The following MRPS5 variants were observed in gnomAD, a reference collection of about 807,000 sequenced individuals.
MRPS5 encodes mitochondrial ribosomal protein S5.
In MRPS5, 27 loss-of-function variants were observed where a neutral mutation model predicts 51.9. The observed-to-expected ratio is 0.52, with a 90% CI of 0.38 to 0.72. The LOEUF (loss-of-function observed/expected upper bound fraction) is 0.72. Ranked by LOEUF, MRPS5 falls within the 30% of genes least tolerant of loss-of-function variation. The pLI is 0.00. For missense variants in MRPS5, 570 were observed against 545.7 expected (o/e 1.04, Z -0.44); for synonymous variants, 196 against 193.2 (o/e 1.01, Z -0.12).
chr2:95,106,373 A>AC, intron 6 of MRPS5, 50 bp downstream of exon 6: 9 of 508,676 alleles, frequency 1.8e-5, no homozygotes, highest in Non-Finnish European at 2.2e-5. Flanking sequence ...TGCCCCACCC[A>AC]CCCCAACCTC....
chr2:95,094,437 T>A (rs1675560899), intron 10 of MRPS5, among the ~76,000 whole-genome samples: 1 of 152,102 alleles, frequency 6.6e-6, no homozygotes, highest in African/African-American at 2.4e-5. Context: ...AATTATCAGA[T>A]TCACCAAGGT....
At chr2:95,101,570 G>A in intron 8 of MRPS5, 107 bp downstream of exon 8, 2 of 843,796 alleles carry the variant, frequency 2.4e-6, no homozygotes, top group Non-Finnish European at 3.6e-6. Context: ...CAAGCCTCAT[G>A]GGAAGGTTCT....
rs1461380695 is a variant in MRPS5 at position 95,106,511 on chromosome 2, A to G, written c.638-54T>C. ...GATGAAATGTGTGTACACAATTAAC[A>G]TGAAAGCATTTTCAACACAGGCACC... On this transcript the variant is annotated intron_variant, in intron 5 of 11. Transcript: ENST00000272418. The G allele has an allele frequency of 2.1e-6, 3 of 1,461,304 alleles. No individual in the cohort carries two copies. The African/African-American group carries it at 4.2e-5, about 20-fold the overall frequency. The allele number at this position is 1,461,304 out of a possible 1,614,324, so 90.5% of individuals were successfully genotyped here. A position where few individuals can be genotyped will look rare whatever the true frequency, so the allele number is the denominator to read the frequency against.
rs559580565 is a variant in MRPS5 at position 95,099,154 on chromosome 2, G to A, written c.931+1320C>T. Among the ~76,000 whole-genome samples the A allele has an allele frequency of 6.6e-5, 10 of 151,264 alleles. No individual in the cohort carries two copies. In the South Asian group the frequency reaches 1.0e-3, roughly 16 times the overall value. On this transcript the variant is annotated intron_variant, in intron 10 of 11. Coordinates refer to ENST00000272418, the MANE Select transcript of MRPS5 (RefSeq NM_031902.5). ...AAGATGGTCTCAATCTCCGGACCTC[G>A]TGATCCGACCACCTCAGCCTCTCAA...
At chr2:95,104,583 G>T (rs755016122) in intron 7 of MRPS5, 57 bp downstream of exon 7, 2 of 1,571,454 alleles carry the variant, frequency 1.3e-6, no homozygotes, top group African/African-American at 2.7e-5. Flanking sequence ...AGCATGGCCC[G>T]TGCCACGCCT....
intron 3 of MRPS5, among the ~76,000 whole-genome samples, chr2:95,113,480 CATAA>C (rs1294600835): frequency 2.0e-5 from 3 of 151,946 alleles, no homozygotes; most frequent in East Asian, 1.9e-4. Flanking sequence ...CCGTCTCAAA[CATAA>C]ATAAATAAAT....
chr2:95,098,640 G>A (rs1351329734), intron 10 of MRPS5, among the ~76,000 whole-genome samples: 1 of 152,004 alleles, frequency 6.6e-6, no homozygotes, highest in Non-Finnish European at 1.5e-5. Context: ...TGAACAATGA[G>A]AACACTTGGA....
At chr2:95,104,610 G>T (rs749352580) in intron 7 of MRPS5, 30 bp downstream of exon 7, 3 of 1,608,268 alleles carry the variant, frequency 1.9e-6, no homozygotes, top group Non-Finnish European at 2.6e-6. Context: ...GCACACCACC[G>T]CCACTGTGAT....
rs1261075000 is a variant in MRPS5 at position 95,087,392 on chromosome 2, A to T, written c.1258T>A (p.Ser420Thr). 6.2e-7 allele frequency: 1 copy of T among 1,614,042 alleles called. No individual in the cohort carries two copies. The highest frequency in any genetic ancestry group is 1.7e-5 in the Admixed American group (1 of 59,998). Residue 420 changes from serine (S) to threonine (T), a missense_variant, in exon 12 of 12, where the codon TCT becomes ACT. By Grantham distance (58) the Ser-to-Thr change is moderately conservative. Coordinates refer to ENST00000272418, the MANE Select transcript of MRPS5 (RefSeq NM_031902.5). The part of the protein sequence containing the change: ...DVKTAQGMKR[S>T]VWSNLKRAAT Reference sequence around the variant, plus strand: ...GCTCTCTTCAAATTAGACCACACAGAGCGCTTCATTCCCTGTGCAGTCTTC... The same window carrying T: ...GCTCTCTTCAAATTAGACCACACAGTGCGCTTCATTCCCTGTGCAGTCTTC...
At chr2:95,105,565 A>AC (rs545196681) in intron 6 of MRPS5, among the ~76,000 whole-genome samples, 4 of 151,688 alleles carry the variant, frequency 2.6e-5, no homozygotes, top group Non-Finnish European at 5.9e-5. Context: ...AAAGGCCAGG[A>AC]ACTATTAAAC....
At chr2:95,090,277 A>G in intron 11 of MRPS5, 109 bp downstream of exon 11, 2 of 1,086,550 alleles carry the variant, frequency 1.8e-6, no homozygotes, top group Non-Finnish European at 2.6e-6. Flanking sequence ...CCAACTCCTC[A>G]GGTGGCCCCA....
At chr2:95,108,704 T>C (rs1017685329) in intron 4 of MRPS5, among the ~76,000 whole-genome samples, 2 of 152,200 alleles carry the variant, frequency 1.3e-5, no homozygotes, top group South Asian at 2.1e-4. Flanking sequence ...CCAGCAATTA[T>C]GGACTGGTTA....
chr2:95,100,773 GT>G, intron 9 of MRPS5, 63 bp downstream of exon 9: 1 of 1,257,126 alleles, frequency 8.0e-7, no homozygotes, highest in Non-Finnish European at 1.1e-6. Context: ...GAGATACATT[GT>G]CACACAGACT....
intron 10 of MRPS5, among the ~76,000 whole-genome samples, chr2:95,097,699 A>C (rs1402883087): frequency 6.6e-6 from 1 of 152,232 alleles, no homozygotes; most frequent in Non-Finnish European, 1.5e-5. Context: ...AAATTAATTC[A>C]AGATGGATTA....
intron 6 of MRPS5, 121 bp downstream of exon 6, chr2:95,106,302 T>C (rs1675946300): frequency 1.2e-6 from 1 of 816,946 alleles, no homozygotes. Context: ...GCAGATCAGC[T>C]GTGTGTCAGA....
At chr2:95,100,798 TC>T (rs1363076507) in intron 9 of MRPS5, 38 bp downstream of exon 9, 1 of 1,438,728 alleles carries the variant, frequency 7.0e-7, no homozygotes, top group Non-Finnish European at 9.5e-7. Flanking sequence ...ACAAATGTAA[TC>T]CTGCAAATTA....
chr2:95,090,560 G>A (rs768248506), intron 10 of MRPS5, 38 bp from the exon 11 acceptor site: 11 of 1,612,158 alleles, frequency 6.8e-6, no homozygotes, highest in Non-Finnish European at 4.2e-6. Flanking sequence ...CAGCCCACTC[G>A]CCTGCAGCCG....
intron 10 of MRPS5, chr2:95,092,184 T>C (rs1472253801): frequency 6.6e-6 from 1 of 152,248 alleles, no homozygotes; most frequent in Non-Finnish European, 1.5e-5. Flanking sequence ...ATGATTTGAC[T>C]ACCTTCCAGG....
rs1675303250 is a variant in MRPS5, at chr2:95,086,806, A to C, written c.*551T>G. Among the ~76,000 whole-genome samples the C allele has an allele frequency of 1.3e-5, 2 of 152,358 alleles. No individual in the cohort carries two copies. Among genetic ancestry groups the C allele is most frequent in the East Asian group, 3.9e-4 (2 of 5,188 alleles). On this transcript the variant is annotated 3_prime_UTR_variant, in exon 12 of 12. Coordinates refer to ENST00000272418, the MANE Select transcript of MRPS5 (RefSeq NM_031902.5). ...AAACATATACAAATGGCCAATCAGCACATGAAAAGATGTTCAACATCATCA... is the reference window on the plus strand; with the variant it reads ...AAACATATACAAATGGCCAATCAGCCCATGAAAAGATGTTCAACATCATCA...
Sources: gnomAD v4.1 joint callset for allele counts (sites outside exome capture counted in the v4.1 genomes callset) on GRCh38, gnomAD v4.1.1 for gene constraint, MANE v1.5 for transcripts, NCBI Gene and HGNC (gene_info 2026-07-23, HGNC 2026-07-21) for gene names.